PDCD11: variants seen among roughly 807,000 people sequenced by gnomAD.
The protein encoded by PDCD11 is protein RRP5 homolog.
A neutral mutation model predicts 198.9 loss-of-function variants in PDCD11; 97 were observed. The observed-to-expected ratio is 0.49, with a 90% CI of 0.41 to 0.58. The LOEUF is 0.58. Among genes scored for constraint, PDCD11 ranks in the 20% least tolerant of loss-of-function variants. The probability of loss-of-function intolerance (pLI) is 0.00; values close to 1 mark genes in which losing one functional copy is unlikely to be tolerated. For synonymous variants in PDCD11, 893 were observed against 918.0 expected (o/e 0.97, Z 0.49); for missense variants, 2,102 against 2,312.7 (o/e 0.91, Z 1.87).
Position 103,415,082 on chromosome 10 carries a change from G to A in PDCD11, c.1449G>A (p.Met483Ile). 4 of 1,614,144 alleles carry A rather than the reference G, an allele frequency of 2.5e-6. No homozygotes were observed. Among genetic ancestry groups the A allele is most frequent in the Non-Finnish European group, 3.4e-6 (4 of 1,180,000 alleles). ...AGATGAGGGGCCTGGTACCTCCCAT[G>A]CACCTGGCTGACATCCTGATGAAGA... Reference protein sequence around the residue: ...GEQMRGLVPPMHLADILMKNP... With the variant: ...GEQMRGLVPPIHLADILMKNP... The change falls in exon 12 of 36, where the codon ATG (methionine) becomes ATA (isoleucine). Residue 483 changes from methionine to isoleucine, a missense_variant. Met to Ile is a conservative substitution (Grantham distance 10). Coordinates refer to ENST00000369797, the MANE Select transcript of PDCD11 (RefSeq NM_014976.2).
rs1052007559 is a variant in PDCD11, at chr10:103,434,545, C to A, written c.3667+195C>A. 1.5e-5 allele frequency: 9 copies of A among 600,400 alleles called. No homozygotes were observed. In the African/African-American group the frequency reaches 1.7e-4, roughly 11 times the overall value. 37.2% of individuals were successfully genotyped at this position (600,400 alleles called of 1,614,324 possible). A position where few individuals can be genotyped will look rare whatever the true frequency, so the allele number is the denominator to read the frequency against. ...GTTACTCCACTGCTCTCTGAGTTAC[C>A]TTTACCTATACAGGTTACCCTTACC... On this transcript the variant is annotated intron_variant, in intron 24 of 35. Coordinates refer to ENST00000369797, the MANE Select transcript of PDCD11 (RefSeq NM_014976.2).
chr10:103,412,935 G>A (rs1181835671), intron 8 of PDCD11, among the ~76,000 whole-genome samples, 181 bp from the exon 9 acceptor site: 1 of 152,172 alleles, frequency 6.6e-6, no homozygotes, highest in Non-Finnish European at 1.5e-5. Flanking sequence ...TAGTCCCTAT[G>A]GGACATTTTG....
intron 9 of PDCD11, among the ~76,000 whole-genome samples, chr10:103,413,650 A>G (rs1410339432): frequency 6.6e-6 from 1 of 152,172 alleles, no homozygotes; most frequent in Non-Finnish European, 1.5e-5. Context: ...TAATTGTTCA[A>G]CGCTGCTGTT....
At chr10:103,428,156 T>C (rs1025131229) in intron 21 of PDCD11, among the ~76,000 whole-genome samples, 87 of 151,920 alleles carry the variant, frequency 5.7e-4, no homozygotes, top group African/African-American at 2.0e-3. Flanking sequence ...AAATACAAAA[T>C]TAGCCGGGTG....
At chr10:103,433,839 T>C (rs1230507244) in intron 22 of PDCD11, 109 bp from the exon 23 acceptor site, 4 of 802,132 alleles carry the variant, frequency 5.0e-6, no homozygotes, top group Non-Finnish European at 8.6e-6. Context: ...TTCCTGTCTC[T>C]TGGAAAAGTG....
chr10:103,443,484 T>A, intron 33 of PDCD11, 151 bp downstream of exon 33: 1 of 616,260 alleles, frequency 1.6e-6, no homozygotes. Flanking sequence ...AAGAAGTCAT[T>A]TCCCTCACCT....
chr10:103,428,888 C>T (rs2031809692), intron 21 of PDCD11, among the ~76,000 whole-genome samples: 1 of 152,096 alleles, frequency 6.6e-6, no homozygotes, highest in African/African-American at 2.4e-5. Flanking sequence ...TGGCCAGACA[C>T]ACTCCCAGAC....
At chr10:103,402,419 GTTTTTAT>G (rs2030155641) in intron 3 of PDCD11, among the ~76,000 whole-genome samples, 1 of 152,092 alleles carries the variant, frequency 6.6e-6, no homozygotes, top group Non-Finnish European at 1.5e-5. Context: ...ATTCCTGTAG[GTTTTTAT>G]TTTTTATTTA....
In PDCD11 at chr10:103,420,132, G is replaced by A. The variant is rs181668997; in HGVS notation, c.2277+424G>A. ...TTACTCTTTTGAAAGATTTTCAGGG[G>A]TACCTCTTAAGGTGTGTGTGACATA... On this transcript the variant is annotated intron_variant, in intron 16 of 35. Coordinates refer to ENST00000369797, the MANE Select transcript of PDCD11 (RefSeq NM_014976.2). Among the ~76,000 whole-genome samples, 3 of 151,998 alleles carry A rather than the reference G, an allele frequency of 2.0e-5. No individual in the cohort carries two copies. The East Asian group carries it at 5.8e-4, about 29-fold the overall frequency.
chr10:103,441,772 AAC>A, intron 30 of PDCD11, 52 bp from the exon 31 acceptor site: 1 of 1,559,668 alleles, frequency 6.4e-7, no homozygotes, highest in African/African-American at 1.4e-5. Flanking sequence ...GGCACGGGGG[AAC>A]AGGGAGCAGC....
At chr10:103,406,325 A>G (rs1423701272) in intron 6 of PDCD11, among the ~76,000 whole-genome samples, 1 of 152,208 alleles carries the variant, frequency 6.6e-6, no homozygotes, top group African/African-American at 2.4e-5. Context: ...GAACAGTGTC[A>G]GTTTTTCTAA....
Position 103,425,448 on chromosome 10 carries a change from C to G in PDCD11, c.3228C>G (p.Thr1076=), listed in dbSNP as rs2031649833. 3 of 1,613,950 alleles carry G rather than the reference C, an allele frequency of 1.9e-6. No individual in the cohort carries two copies. Among genetic ancestry groups the G allele is most frequent in the Non-Finnish European group, 2.5e-6 (3 of 1,180,018 alleles). ...SHILDDVPEG[T]SPTTKLKVGK... is the part of the protein sequence containing the mutation. ...TTCTAGATGATGTTCCAGAGGGCAC[C>G]TCTCCTACTACCAAGCTGAAGGTTG... Residue 1076 remains threonine (T), a synonymous_variant, in exon 20 of 36, where the codon ACC becomes ACG. Coordinates refer to ENST00000369797, the MANE Select transcript of PDCD11 (RefSeq NM_014976.2).
chr10:103,445,048 G>A (rs2032545530), intron 35 of PDCD11, among the ~76,000 whole-genome samples: 1 of 152,184 alleles, frequency 6.6e-6, no homozygotes, highest in Non-Finnish European at 1.5e-5. Flanking sequence ...AAAAGAACAG[G>A]TGCCTCACCC....
intron 8 of PDCD11, among the ~76,000 whole-genome samples, chr10:103,410,615 T>TTC (rs1368819799): frequency 6.7e-6 from 1 of 150,012 alleles, no homozygotes; most frequent in East Asian, 1.9e-4. Context: ...TTTTTTTTTT[T>TTC]CTTTTTTTTT....
chr10:103,403,573 A>G (rs1374177189), intron 4 of PDCD11, among the ~76,000 whole-genome samples: 3 of 152,124 alleles, frequency 2.0e-5, no homozygotes, highest in African/African-American at 7.3e-5. Flanking sequence ...AAGGAGAGCA[A>G]GAGAGAGTGT....
chr10:103,442,537 C>T, intron 32 of PDCD11, 77 bp downstream of exon 32: 8 of 1,526,602 alleles, frequency 5.2e-6, no homozygotes, highest in Non-Finnish European at 7.1e-6. Flanking sequence ...TGGGGTAGCT[C>T]CTCCTAGGCA....
intron 1 of PDCD11, among the ~76,000 whole-genome samples, chr10:103,398,039 G>C (rs958352204): frequency 1.3e-5 from 2 of 152,066 alleles, no homozygotes; most frequent in African/African-American, 4.8e-5. Context: ...AATCTGATTT[G>C]CATTTTAAGT....
intron 28 of PDCD11, 88 bp downstream of exon 28, chr10:103,439,956 G>T: frequency 6.7e-7 from 1 of 1,496,614 alleles, no homozygotes. Context: ...AGGGTGAACT[G>T]TAAACATAAT....
At chr10:103,434,446 G>A (rs2032066977) in intron 24 of PDCD11, 96 bp downstream of exon 24, 5 of 794,294 alleles carry the variant, frequency 6.3e-6, no homozygotes, top group African/African-American at 3.4e-5. Context: ...GACCCCTTCG[G>A]TATTGGAATC....
Sources: allele counts gnomAD v4.1 joint callset (sites outside exome capture counted in the v4.1 genomes callset), GRCh38; gene constraint gnomAD v4.1.1; transcripts MANE v1.5; gene names NCBI Gene and HGNC (gene_info 2026-07-23, HGNC 2026-07-21).